CLIP1: variants seen among roughly 807,000 people sequenced by gnomAD.
CLIP1 encodes CAP-Gly domain-containing linker protein 1.
A neutral mutation model predicts 161.6 loss-of-function variants in CLIP1; 66 were observed. The ratio of observed to expected loss-of-function variants is 0.41; its 90% CI spans 0.33 to 0.50. The LOEUF (loss-of-function observed/expected upper bound fraction) is 0.50, where lower values mean the gene tolerates loss of function less well. CLIP1 is among the 20% of genes least tolerant of loss of function. The pLI is 0.27. For synonymous variants in CLIP1, 598 were observed against 626.2 expected, an observed-to-expected ratio of 0.96 and a Z score of 0.67; for missense variants, 1,376 against 1,702.0, an observed-to-expected ratio of 0.81 and a Z score of 3.37.
At chr12:122,375,050 G>C (rs1954651198) in intron 3 of CLIP1, among the ~76,000 whole-genome samples, 1 of 152,082 alleles carries the variant, frequency 6.6e-6, no homozygotes, top group African/African-American at 2.4e-5. Context: ...ATGCAGCACT[G>C]TAGCCTTGCT....
chr12:122,368,737 G>A (rs1309658263), intron 3 of CLIP1, among the ~76,000 whole-genome samples: 1 of 151,946 alleles, frequency 6.6e-6, no homozygotes. Flanking sequence ...GAGGTCAGGA[G>A]TTTGAGACAG....
chr12:122,297,364 CCTCT>C (rs746298466), intron 20 of CLIP1, among the ~76,000 whole-genome samples: 43 of 152,248 alleles, frequency 2.8e-4, no homozygotes, highest in Non-Finnish European at 5.9e-4. Flanking sequence ...AGGAGAAGCG[CCTCT>C]CTGTTTATTG....
chr12:122,385,462 T>C (rs971741284), intron 1 of CLIP1, among the ~76,000 whole-genome samples: 1 of 152,174 alleles, frequency 6.6e-6, no homozygotes, highest in Admixed American at 6.6e-5. Context: ...GGGATATTAA[T>C]GCTGCCATTT....
intron 10 of CLIP1, among the ~76,000 whole-genome samples, chr12:122,344,954 G>C (rs1952675862): frequency 6.6e-6 from 1 of 151,244 alleles, no homozygotes. Flanking sequence ...GAAATACTTG[G>C]ATAAACCATG....
chr12:122,420,549 G>A (rs1286472423), intron 1 of CLIP1, among the ~76,000 whole-genome samples: 1 of 152,166 alleles, frequency 6.6e-6, no homozygotes, highest in East Asian at 1.9e-4. Context: ...TAGGTCTAGT[G>A]GGAAGATGTA....
At chr12:122,289,805 G>GTTTT (rs11286847) in intron 20 of CLIP1, among the ~76,000 whole-genome samples, 1 of 136,768 alleles carries the variant, frequency 7.3e-6, no homozygotes. Context: ...CACTGTTAAT[G>GTTTT]TTTTTTTTTT....
intron 1 of CLIP1, among the ~76,000 whole-genome samples, chr12:122,416,220 GA>G (rs932735127): frequency 2.0e-5 from 3 of 151,214 alleles, no homozygotes; most frequent in African/African-American, 7.3e-5. Flanking sequence ...CTGGGTGATA[GA>G]AAAAAAAAGT....
intron 5 of CLIP1, among the ~76,000 whole-genome samples, chr12:122,357,436 G>A (rs902906263): frequency 2.7e-5 from 4 of 148,668 alleles, no homozygotes; most frequent in South Asian, 2.2e-4. Flanking sequence ...GAGCCCCTCC[G>A]CCCGGCAGCC....
intron 19 of CLIP1, among the ~76,000 whole-genome samples, chr12:122,313,820 A>G (rs565767481): frequency 2.6e-4 from 40 of 152,282 alleles, no homozygotes; most frequent in African/African-American, 8.9e-4. Context: ...GACTCTGAAC[A>G]TTAAAGGTGA....
At chr12:122,284,711 T>C (rs1955782102) in intron 21 of CLIP1, among the ~76,000 whole-genome samples, 1 of 152,188 alleles carries the variant, frequency 6.6e-6, no homozygotes, top group African/African-American at 2.4e-5. Context: ...TTGAAAGGCA[T>C]GTAATTTACT....
chr12:122,372,074 G>C (rs567238300), intron 3 of CLIP1, among the ~76,000 whole-genome samples: 21 of 152,168 alleles, frequency 1.4e-4, no homozygotes, highest in African/African-American at 4.6e-4. Flanking sequence ...TTGAGGTCAG[G>C]AGTTCGAGAC....
At chr12:122,409,324 C>A (rs1956442861) in intron 1 of CLIP1, among the ~76,000 whole-genome samples, 1 of 151,304 alleles carries the variant, frequency 6.6e-6, no homozygotes, top group Non-Finnish European at 1.5e-5. Context: ...CAGGGTTTCA[C>A]CATGTTGGCT....
chr12:122,318,004 G>A (rs1198216403), intron 18 of CLIP1, among the ~76,000 whole-genome samples: 1 of 152,126 alleles, frequency 6.6e-6, no homozygotes, highest in African/African-American at 2.4e-5. Flanking sequence ...ATTTTTTAAT[G>A]CTTTTATACT....
At chr12:122,329,864 T>C (rs1475271614) in intron 15 of CLIP1, among the ~76,000 whole-genome samples, 1 of 152,156 alleles carries the variant, frequency 6.6e-6, no homozygotes, top group African/African-American at 2.4e-5. Context: ...ACGCCTGTAA[T>C]CCCTGCACTT....
chr12:122,356,669 G>A (rs993212506), intron 5 of CLIP1, among the ~76,000 whole-genome samples: 7 of 151,884 alleles, frequency 4.6e-5, no homozygotes, highest in Non-Finnish European at 1.0e-4. Context: ...CTCTTTCCAT[G>A]GTCTCCCTCT....
intron 17 of CLIP1, among the ~76,000 whole-genome samples, chr12:122,326,252 C>G (rs1442367301): frequency 2.0e-5 from 3 of 152,226 alleles, no homozygotes; most frequent in African/African-American, 7.2e-5. Flanking sequence ...ATCAGTGAGA[C>G]TGGCCAGGAA....
intron 17 of CLIP1, among the ~76,000 whole-genome samples, chr12:122,325,602 A>G (rs1408040783): frequency 1.2e-4 from 18 of 152,046 alleles, no homozygotes; most frequent in Admixed American, 1.2e-3. Context: ...TTTTAAGCAT[A>G]TACAAAAATA....
At chr12:122,397,119 G>A (rs936936854) in intron 1 of CLIP1, among the ~76,000 whole-genome samples, 5 of 151,062 alleles carry the variant, frequency 3.3e-5, no homozygotes, top group Non-Finnish European at 5.9e-5. Flanking sequence ...CCCAGCTCCC[G>A]CTACAGTTCA....
chr12:122,272,574 A>C lies in CLIP1; in HGVS notation c.*301T>G. ...TACTTAAATAAGGTATTGTGAGGGT[A>C]GGGGTTTTTCTACAAGGTCGGGGGG... On this transcript the variant is annotated 3_prime_UTR_variant, in exon 26 of 26. Transcript: ENST00000620786. The C allele has an allele frequency of 3.3e-6, 1 of 305,674 alleles. No homozygotes were observed. The highest frequency in any genetic ancestry group is 6.2e-6 in the Non-Finnish European group (1 of 162,308). The allele number at this position is 305,674 out of a possible 1,614,324, so 18.9% of individuals were successfully genotyped here. A position where few individuals can be genotyped will look rare whatever the true frequency, so the allele number is the denominator to read the frequency against.
Sources: allele counts gnomAD v4.1 joint callset (sites outside exome capture counted in the v4.1 genomes callset), GRCh38; gene constraint gnomAD v4.1.1; transcripts MANE v1.5; gene names NCBI Gene and HGNC (gene_info 2026-07-23, HGNC 2026-07-21).